The following PKHD1L1 variants were observed in gnomAD, a reference collection of about 807,000 sequenced individuals.
The protein encoded by PKHD1L1 is PKHD1 like 1.
In PKHD1L1, 434 loss-of-function variants were observed where a neutral mutation model predicts 462.9. The observed-to-expected ratio is 0.94, with a 90% CI of 0.87 to 1.02. The LOEUF (loss-of-function observed/expected upper bound fraction) is 1.02. PKHD1L1 is among the 50% of genes least tolerant of loss of function. The probability of loss-of-function intolerance (pLI) is 0.00; values close to 1 mark genes in which losing one functional copy is unlikely to be tolerated. For missense variants in PKHD1L1, 5,202 were observed against 5,096.1 expected (o/e 1.02, Z -0.63); for synonymous variants, 1,781 against 1,750.0 (o/e 1.02, Z -0.44).
Position 109,522,171 on chromosome 8 carries a change from T to A in PKHD1L1, c.12032-15T>A, listed in dbSNP as rs886801778. On this transcript the variant is annotated splice_polypyrimidine_tract_variant and intron_variant, in intron 73 of 77. Coordinates refer to ENST00000378402, the MANE Select transcript of PKHD1L1 (RefSeq NM_177531.6). ...TACTTTTATAATCCAAATGTCATAA[T>A]ACTTTTCCCCATAGGTCAGATGCAG... The A allele has an allele frequency of 6.3e-7, 1 of 1,580,514 alleles. No individual in the cohort carries two copies. The highest frequency in any genetic ancestry group is 8.7e-7 in the Non-Finnish European group (1 of 1,153,836).
intron 67 of PKHD1L1, among the ~76,000 whole-genome samples, chr8:109,499,890 G>A (rs377286043): frequency 1.1e-4 from 16 of 152,272 alleles, no homozygotes; most frequent in African/African-American, 2.6e-4. Context: ...AAATTGCCAC[G>A]GAGTTGATCC....
chr8:109,505,040 A>AATT (rs201567587), intron 68 of PKHD1L1, among the ~76,000 whole-genome samples: 2 of 151,878 alleles, frequency 1.3e-5, no homozygotes, highest in Non-Finnish European at 1.5e-5. Flanking sequence ...TGCCTGGCTT[A>AATT]ATTATTATTA....
intron 19 of PKHD1L1, among the ~76,000 whole-genome samples, chr8:109,411,475 T>TG (rs1813853590): frequency 1.3e-5 from 2 of 152,250 alleles, no homozygotes; most frequent in Non-Finnish European, 2.9e-5. Context: ...CTTCATTTAA[T>TG]AAGCATATGT....
At chr8:109,528,586 T>C (rs563667028) in intron 77 of PKHD1L1, among the ~76,000 whole-genome samples, 1 of 152,336 alleles carries the variant, frequency 6.6e-6, no homozygotes, top group South Asian at 2.1e-4. Context: ...AGCATCCTTC[T>C]AGGTCTTGCT....
At chr8:109,409,205 A>G (rs939019198) in intron 18 of PKHD1L1, among the ~76,000 whole-genome samples, 2 of 152,102 alleles carry the variant, frequency 1.3e-5, no homozygotes, top group Admixed American at 1.3e-4. Context: ...GCAATAATTT[A>G]TTATTTTTTG....
At chr8:109,447,587 T>C (rs1816223615) in intron 38 of PKHD1L1, among the ~76,000 whole-genome samples, 1 of 152,244 alleles carries the variant, frequency 6.6e-6, no homozygotes, top group Admixed American at 6.5e-5. Flanking sequence ...GGCATTAACA[T>C]CAACATTCAC....
intron 2 of PKHD1L1, 21 bp from the exon 3 acceptor site, chr8:109,381,349 T>C: frequency 6.5e-7 from 1 of 1,538,552 alleles, no homozygotes; most frequent in South Asian, 1.2e-5. Context: ...TAATAATAAT[T>C]AAGTCTTCTT....
intron 21 of PKHD1L1, among the ~76,000 whole-genome samples, chr8:109,416,239 T>A (rs969191285): frequency 3.3e-5 from 5 of 152,074 alleles, no homozygotes; most frequent in African/African-American, 1.2e-4. Context: ...AAGATAATGA[T>A]TGATGTCTTG....
chr8:109,408,230 C>T (rs1040282495), intron 18 of PKHD1L1, 24 bp downstream of exon 18: 2 of 1,597,398 alleles, frequency 1.3e-6, no homozygotes, highest in Non-Finnish European at 1.7e-6. Context: ...ATGTTTCTAC[C>T]ACGCATTTTC....
At chr8:109,485,018 A>T in intron 57 of PKHD1L1, 26 bp from the exon 58 acceptor site, 1 of 1,553,382 alleles carries the variant, frequency 6.4e-7, no homozygotes, top group Non-Finnish European at 8.7e-7. Flanking sequence ...AATTGTTCTT[A>T]AATTTGGCAC....
intron 2 of PKHD1L1, among the ~76,000 whole-genome samples, chr8:109,373,176 T>C (rs1811610516): frequency 6.6e-6 from 1 of 152,184 alleles, no homozygotes; most frequent in Non-Finnish European, 1.5e-5. Flanking sequence ...TTGCCTCAAT[T>C]TCAGAGCCTG....
intron 9 of PKHD1L1, among the ~76,000 whole-genome samples, chr8:109,393,924 C>T (rs984534469): frequency 6.6e-6 from 1 of 151,948 alleles, no homozygotes; most frequent in Non-Finnish European, 1.5e-5. Context: ...CGCCTGTAAT[C>T]CCAGCACTTT....
intron 30 of PKHD1L1, 114 bp from the exon 31 acceptor site, chr8:109,438,210 A>G: frequency 1.3e-6 from 1 of 788,048 alleles, no homozygotes; most frequent in Non-Finnish European, 1.9e-6. Flanking sequence ...TCTGATCTTG[A>G]CTTTGAAGTA....
At chr8:109,445,734 T>C (rs1816101349) in intron 38 of PKHD1L1, 89 bp downstream of exon 38, 11 of 1,310,594 alleles carry the variant, frequency 8.4e-6, no homozygotes, top group Non-Finnish European at 1.1e-5. Context: ...TAAATAACTA[T>C]TAAGGTGTGT....
chr8:109,435,379 G>A (rs1177815485), intron 29 of PKHD1L1, 25 bp downstream of exon 29: 5 of 1,593,604 alleles, frequency 3.1e-6, no homozygotes, highest in Non-Finnish European at 3.4e-6. Context: ...TTTAAACAGA[G>A]AGAAAATTGC....
At position 109,471,845 on chromosome 8, in the gene PKHD1L1, A is replaced by G. The variant is rs1283308506; in HGVS notation, c.8606-3273A>G. ...AATTATAAAAATTAACTTAGTTTTT[A>G]AAATTTATTTGCAAATACACTTTTT... is the stretch of plus-strand genomic sequence containing the variant. On this transcript the variant is annotated intron_variant, in intron 50 of 77. Coordinates refer to ENST00000378402, the MANE Select transcript of PKHD1L1 (RefSeq NM_177531.6). 2.0e-5 allele frequency among the ~76,000 whole-genome samples: 3 copies of G among 152,306 alleles called. No homozygotes were observed. In the East Asian group the frequency reaches 5.8e-4, roughly 29 times the overall value.
intron 4 of PKHD1L1, among the ~76,000 whole-genome samples, chr8:109,383,156 T>TTATTGTATATA (rs1812226505): frequency 1.1e-4 from 6 of 55,818 alleles, no homozygotes; most frequent in African/African-American, 4.4e-4. Flanking sequence ...ATTATATATA[T>TTATTGTATATA]TTATATATAA....
intron 59 of PKHD1L1, among the ~76,000 whole-genome samples, chr8:109,487,654 G>T (rs1460491490): frequency 6.6e-6 from 1 of 151,764 alleles, no homozygotes; most frequent in African/African-American, 2.4e-5. Context: ...AATTTAACTT[G>T]TTCTTGTCCC....
chr8:109,508,331 A>G (rs940626783), intron 70 of PKHD1L1, 67 bp downstream of exon 70: 8 of 1,452,934 alleles, frequency 5.5e-6, no homozygotes, highest in South Asian at 5.4e-5. Flanking sequence ...GCATGAAGCC[A>G]TCTCATAAAT....
Sources: allele counts gnomAD v4.1 joint callset (sites outside exome capture counted in the v4.1 genomes callset), GRCh38; gene constraint gnomAD v4.1.1; transcripts MANE v1.5; gene names NCBI Gene and HGNC (gene_info 2026-07-23, HGNC 2026-07-21).